Variants in CLEC16A observed in about 807,000 individuals in gnomAD.
The protein encoded by CLEC16A is C-type lectin domain containing 16A, also known as protein CLEC16A.
CLEC16A carries 51 observed loss-of-function variants against 109.5 expected under a neutral mutation model. That is an observed-to-expected ratio of 0.47 (90% CI 0.37 to 0.59). CLEC16A has a LOEUF of 0.59. Ranked by LOEUF, CLEC16A falls within the 20% of genes least tolerant of loss-of-function variation. CLEC16A has a pLI of 0.00. For missense variants in CLEC16A, 1,339 were observed against 1,394.0 expected, an observed-to-expected ratio of 0.96 and a Z score of 0.63; for synonymous variants, 673 against 564.2, an observed-to-expected ratio of 1.19 and a Z score of -2.73.
chr16:11,131,119 C>T (rs544484491), intron 22 of CLEC16A, among the ~76,000 whole-genome samples: 25 of 152,086 alleles, frequency 1.6e-4, no homozygotes, highest in African/African-American at 5.5e-4. Context: ...AGGGATTGTG[C>T]GTGCGCCTGG....
At chr16:10,967,616 C>T (rs914494914) in intron 3 of CLEC16A, among the ~76,000 whole-genome samples, 43 of 152,188 alleles carry the variant, frequency 2.8e-4, no homozygotes, top group Non-Finnish European at 5.0e-4. Context: ...GCTTGCATTG[C>T]GGCCCATGCT....
chr16:10,987,440 A>G (rs1286713253), intron 10 of CLEC16A, among the ~76,000 whole-genome samples: 1 of 152,174 alleles, frequency 6.6e-6, no homozygotes, highest in Non-Finnish European at 1.5e-5. Flanking sequence ...CTCTCTCCTG[A>G]TATGGCCTCT....
rs1159828332 is a variant in CLEC16A, at chr16:10,954,595, C to T, written c.81-3187C>T. Reference sequence around the variant, plus strand: ...TTTTACTGGTGAGACAACTGAGGTGCACAGAGGGAAAGTAACCTGCTCAGG... The same window carrying T: ...TTTTACTGGTGAGACAACTGAGGTGTACAGAGGGAAAGTAACCTGCTCAGG... On this transcript the variant is annotated intron_variant, in intron 1 of 23. Transcript: ENST00000409790. This position sits in a 1 kb window ranked among gnomAD's most constrained non-coding sequence, Gnocchi z 4.2. Among the ~76,000 whole-genome samples, 3 of 152,148 alleles carry T rather than the reference C, an allele frequency of 2.0e-5. No homozygotes were observed. The highest frequency in any genetic ancestry group is 4.8e-5 in the African/African-American group (2 of 41,408).
intron 13 of CLEC16A, among the ~76,000 whole-genome samples, chr16:11,032,209 C>A (rs1387933186): frequency 6.6e-6 from 1 of 152,210 alleles, no homozygotes; most frequent in African/African-American, 2.4e-5. Flanking sequence ...ACTGCCCGTT[C>A]CCTAGGGTGA....
Position 11,020,194 on chromosome 16 carries a change from G to A in CLEC16A, c.1305G>A (p.Glu435=). 1 of 1,609,710 alleles carries A rather than the reference G, an allele frequency of 6.2e-7. No homozygotes were observed. Among genetic ancestry groups the A allele is most frequent in the South Asian group, 1.1e-5 (1 of 90,616 alleles). ...CCCAGTCTCCATTTTGGCTTCCAGAGATCGAGATGGTGATCATGGAGCGTA... is the reference window on the plus strand; with the variant it reads ...CCCAGTCTCCATTTTGGCTTCCAGAAATCGAGATGGTGATCATGGAGCGTA... ...KGIKTSGESE[E]IEMVIMERSK... The change falls in exon 12 of 24, where the codon GAG becomes GAA. Residue 435 remains glutamate (E), a splice_region_variant and synonymous_variant. Transcript: ENST00000409790.
chr16:11,084,166 C>T (rs537242625), intron 19 of CLEC16A, among the ~76,000 whole-genome samples: 1 of 152,048 alleles, frequency 6.6e-6, no homozygotes, highest in African/African-American at 2.4e-5. Flanking sequence ...AGGCCCATCC[C>T]TCTGCTTGGG....
At chr16:11,159,978 G>A (rs926715505) in intron 22 of CLEC16A, among the ~76,000 whole-genome samples, 6 of 152,128 alleles carry the variant, frequency 3.9e-5, no homozygotes, top group African/African-American at 1.4e-4. Flanking sequence ...GCTGCAGGGC[G>A]AGGTTAGTGC....
chr16:11,000,408 C>T (rs2044599329), intron 10 of CLEC16A, among the ~76,000 whole-genome samples: 2 of 152,140 alleles, frequency 1.3e-5, no homozygotes, highest in African/African-American at 4.8e-5. Flanking sequence ...GGACGTTTTG[C>T]CCTGCGCTTG....
chr16:11,003,439 A>T, intron 11 of CLEC16A, 134 bp downstream of exon 11: 1 of 690,670 alleles, frequency 1.4e-6, no homozygotes, highest in Non-Finnish European at 2.5e-6. Context: ...CCTACCTCAC[A>T]CTGGCGTACC....
intron 10 of CLEC16A, among the ~76,000 whole-genome samples, chr16:10,996,732 T>TGGGGTGGACTGTGGGCTCTGAGA (rs1259264435): frequency 6.6e-6 from 1 of 152,022 alleles, no homozygotes; most frequent in Non-Finnish European, 1.5e-5. Flanking sequence ...TTCACCTGTC[T>TGGGGTGGACTGTGGGCTCTGAGA]GGGGTGGACT....
intron 10 of CLEC16A, among the ~76,000 whole-genome samples, chr16:10,996,484 T>G (rs1411879921): frequency 6.6e-6 from 1 of 152,240 alleles, no homozygotes; most frequent in Admixed American, 6.5e-5. Flanking sequence ...CCTCCTGGGC[T>G]CTGAGCTGGC....
At chr16:11,097,715 G>A (rs12928726) in intron 19 of CLEC16A, among the ~76,000 whole-genome samples, 73,719 of 152,044 alleles carry the variant, frequency 0.48, 18,628 homozygotes, top group African/African-American at 0.64. Flanking sequence ...ATTGGTTTAC[G>A]TCTGTTTTAT....
At chr16:11,059,058 C>T (rs1252294781) in intron 18 of CLEC16A, among the ~76,000 whole-genome samples, 2 of 152,198 alleles carry the variant, frequency 1.3e-5, no homozygotes, top group Admixed American at 6.5e-5. Context: ...ACATGTCATA[C>T]ATTCCTGAGT....
chr16:10,972,218 C>T (rs1474006934), intron 5 of CLEC16A, among the ~76,000 whole-genome samples: 2 of 152,220 alleles, frequency 1.3e-5, no homozygotes, highest in African/African-American at 2.4e-5. Flanking sequence ...CTAGTCAAGG[C>T]CCACAGTCCT....
In CLEC16A at chr16:11,126,005, A is replaced by G. The variant is rs780469646; in HGVS notation, c.2500A>G (p.Thr834Ala). ...CCTCCTGGACCTCCCAATCCAGCCC[A>G]CCACTGAAGTCCTGGGGTTTGGACT... ...AALLDLPIQP[T>A]TEVLGFGLGS... Residue 834 changes from threonine to alanine, a missense_variant, in exon 22 of 24, where the codon ACC (threonine) becomes GCC (alanine). By Grantham distance (58) the Thr-to-Ala change is moderately conservative. This residue lies in a region of CLEC16A where 1,061 missense variants were observed against 1,006.8 expected (regional missense o/e 1.05). Coordinates refer to ENST00000409790, the MANE Select transcript of CLEC16A (RefSeq NM_015226.3). The G allele has an allele frequency of 2.5e-6, 4 of 1,600,406 alleles. No homozygotes were observed. Among genetic ancestry groups the G allele is most frequent in the Non-Finnish European group, 3.4e-6 (4 of 1,175,554 alleles).
chr16:10,947,356 T>C (rs1481902401), intron 1 of CLEC16A, among the ~76,000 whole-genome samples: 1 of 152,132 alleles, frequency 6.6e-6, no homozygotes, highest in Non-Finnish European at 1.5e-5. Context: ...GTTTGCAGGC[T>C]GGTGGGGGAG....
intron 19 of CLEC16A, among the ~76,000 whole-genome samples, chr16:11,082,904 A>T (rs553828175): frequency 4.6e-5 from 7 of 152,286 alleles, no homozygotes; most frequent in African/African-American, 1.7e-4. Context: ...TTCTCCATCC[A>T]GTTAGGGAGA....
chr16:11,151,372 C>T (rs1419536486), intron 22 of CLEC16A, among the ~76,000 whole-genome samples: 1 of 152,222 alleles, frequency 6.6e-6, no homozygotes, highest in Non-Finnish European at 1.5e-5. Flanking sequence ...CACCTGGTCA[C>T]ACCTGGGCCC....
intron 22 of CLEC16A, among the ~76,000 whole-genome samples, chr16:11,127,215 C>G (rs1306418079): frequency 6.6e-6 from 1 of 152,188 alleles, no homozygotes; most frequent in Non-Finnish European, 1.5e-5. Context: ...ATGTCTGATG[C>G]TGCACCTTGC....
Sources: gnomAD v4.1 joint callset for allele counts (sites outside exome capture counted in the v4.1 genomes callset) on GRCh38, gnomAD v4.1.1 for gene constraint, gnomAD v4.1.1 regional missense constraint, Gnocchi (gnomAD v3.1) non-coding constraint, MANE v1.5 for transcripts, NCBI Gene and HGNC (gene_info 2026-07-23, HGNC 2026-07-21) for gene names.